PDE7B: variants seen among roughly 807,000 people sequenced by gnomAD.
PDE7B encodes phosphodiesterase 7B.
In PDE7B, 29 loss-of-function variants were observed where a neutral mutation model predicts 56.2. The ratio of observed to expected loss-of-function variants is 0.52; its 90% CI spans 0.38 to 0.70. The LOEUF is 0.70. Among genes scored for constraint, PDE7B ranks in the 30% least tolerant of loss-of-function variants. PDE7B has a pLI of 0.00. For synonymous variants in PDE7B, 197 were observed against 196.9 expected (o/e 1.00, Z 0.00); for missense variants, 490 against 565.0 (o/e 0.87, Z 1.35).
chr6:135,870,664 T>C (rs1775361430), intron 1 of PDE7B, among the ~76,000 whole-genome samples: 1 of 151,704 alleles, frequency 6.6e-6, no homozygotes, highest in Non-Finnish European at 1.5e-5. Context: ...GGAGGGGAGA[T>C]GCAGGAAATA....
intron 2 of PDE7B, among the ~76,000 whole-genome samples, chr6:136,100,623 C>T (rs1176280539): frequency 6.6e-6 from 1 of 152,108 alleles, no homozygotes; most frequent in Non-Finnish European, 1.5e-5. Context: ...GATTTTGTAT[C>T]CTGAGACTTT....
intron 2 of PDE7B, among the ~76,000 whole-genome samples, chr6:136,004,985 G>A (rs554275633): frequency 1.8e-4 from 28 of 152,078 alleles, no homozygotes; most frequent in African/African-American, 6.8e-4. Context: ...AAAACAGCAT[G>A]GTACTGGTAC....
At chr6:135,961,263 GTGTGTGTGTGTGTGTGTA>G (rs1442611726) in intron 2 of PDE7B, among the ~76,000 whole-genome samples, 1,755 of 142,446 alleles carry the variant, frequency 0.012, 11 homozygotes, top group South Asian at 0.033. Flanking sequence ...ATATGTGTGT[GTGTGTGTGTGTGTGTGTA>G]TGTGTGTGTG....
chr6:136,046,074 T>A (rs1238440774), intron 2 of PDE7B, among the ~76,000 whole-genome samples: 3 of 151,912 alleles, frequency 2.0e-5, no homozygotes, highest in Non-Finnish European at 4.4e-5. Flanking sequence ...TTAGAGGATC[T>A]GTGACAGTCG....
At chr6:135,932,491 A>T (rs1021594403) in intron 1 of PDE7B, among the ~76,000 whole-genome samples, 5 of 152,160 alleles carry the variant, frequency 3.3e-5, no homozygotes, top group Non-Finnish European at 7.3e-5. Context: ...TTTCAGCTAG[A>T]CCTTGAATAA....
At chr6:135,880,986 G>A (rs1315701906) in intron 1 of PDE7B, among the ~76,000 whole-genome samples, 1 of 152,106 alleles carries the variant, frequency 6.6e-6, no homozygotes, top group Non-Finnish European at 1.5e-5. Flanking sequence ...GTCATCTCAG[G>A]GTAAATCTCA....
At chr6:136,107,520 T>C (rs1262921399) in intron 2 of PDE7B, among the ~76,000 whole-genome samples, 1 of 152,220 alleles carries the variant, frequency 6.6e-6, no homozygotes, top group Non-Finnish European at 1.5e-5. Flanking sequence ...GTAAATAACA[T>C]GATATGCATG....
At chr6:136,065,794 A>T (rs543959718) in intron 2 of PDE7B, among the ~76,000 whole-genome samples, 1 of 152,364 alleles carries the variant, frequency 6.6e-6, no homozygotes, top group South Asian at 2.1e-4. Context: ...CTGATTAGGC[A>T]TAAATTTCAG....
intron 1 of PDE7B, among the ~76,000 whole-genome samples, chr6:135,904,250 A>G (rs895841746): frequency 6.6e-6 from 1 of 152,228 alleles, no homozygotes; most frequent in Non-Finnish European, 1.5e-5. Flanking sequence ...GAATAAGTAA[A>G]TATCTCCACC....
At chr6:135,920,597 A>C (rs1774056391) in intron 1 of PDE7B, among the ~76,000 whole-genome samples, 1 of 152,196 alleles carries the variant, frequency 6.6e-6, no homozygotes, top group Admixed American at 6.5e-5. Context: ...CCATGAGTCT[A>C]ACGATGTTTC....
chr6:136,036,919 T>C (rs1425882118), intron 2 of PDE7B, among the ~76,000 whole-genome samples: 3 of 152,228 alleles, frequency 2.0e-5, no homozygotes, highest in African/African-American at 7.2e-5. Flanking sequence ...AATACAAAAC[T>C]ACCCTACTTT....
chr6:136,105,882 C>T (rs1562494303), intron 2 of PDE7B, among the ~76,000 whole-genome samples: 1 of 152,152 alleles, frequency 6.6e-6, no homozygotes, highest in Non-Finnish European at 1.5e-5. Context: ...CAGGTGAAGA[C>T]CAGGAAGAAA....
intron 2 of PDE7B, among the ~76,000 whole-genome samples, chr6:135,994,609 T>C (rs1169734567): frequency 6.6e-6 from 1 of 152,180 alleles, no homozygotes; most frequent in African/African-American, 2.4e-5. Context: ...AAAATCCGAT[T>C]GGAAGAGACT....
chr6:136,023,051 AC>A (rs1298667647), intron 2 of PDE7B, among the ~76,000 whole-genome samples: 2 of 151,966 alleles, frequency 1.3e-5, no homozygotes, highest in African/African-American at 4.8e-5. Context: ...GGACTCTAAA[AC>A]CCTTTTTCCC....
rs1472913954 is a variant in PDE7B, at chr6:135,947,481, G to T, written c.39G>T (p.Leu13Phe). The change falls in exon 2 of 13, where the codon TTG becomes TTT. Residue 13 changes from leucine to phenylalanine, a missense_variant. Transcript: ENST00000308191. ...TATTTCAGAGGTGTGGCGAAATCTT[G>T]TTTGAGAACCCCGATCAGAATGCCA... ...CLMVERCGEI[L>F]FENPDQNAKC... is the part of the protein sequence containing the mutation. 6.2e-7 allele frequency: 1 copy of T among 1,612,304 alleles called. No homozygotes were observed. The highest frequency in any genetic ancestry group is 8.5e-7 in the Non-Finnish European group (1 of 1,178,660).
At chr6:135,918,764 T>C (rs1379605340) in intron 1 of PDE7B, among the ~76,000 whole-genome samples, 1 of 152,232 alleles carries the variant, frequency 6.6e-6, no homozygotes, top group East Asian at 1.9e-4. Context: ...CAATATCTTA[T>C]GGCATTTTAA....
chr6:135,888,166 T>C (rs1403672091), intron 1 of PDE7B, among the ~76,000 whole-genome samples: 1 of 152,158 alleles, frequency 6.6e-6, no homozygotes, highest in African/African-American at 2.4e-5. Flanking sequence ...CTCAGTGAGT[T>C]TCGTTTTAAA....
chr6:136,167,292 C>T (rs1014067871), intron 8 of PDE7B, among the ~76,000 whole-genome samples: 6 of 152,116 alleles, frequency 3.9e-5, no homozygotes, highest in Non-Finnish European at 8.8e-5. Flanking sequence ...GCCTGTCTCT[C>T]CCCATCTGAT....
At chr6:136,048,583 C>T (rs1776562898) in intron 2 of PDE7B, among the ~76,000 whole-genome samples, 1 of 152,006 alleles carries the variant, frequency 6.6e-6, no homozygotes, top group African/African-American at 2.4e-5. Context: ...GAAAGATAGG[C>T]TGGGGGTCAG....
Sources: gnomAD v4.1 joint callset for allele counts (sites outside exome capture counted in the v4.1 genomes callset) on GRCh38, gnomAD v4.1.1 for gene constraint, MANE v1.5 for transcripts, NCBI Gene and HGNC (gene_info 2026-07-23, HGNC 2026-07-21) for gene names.